Variants in SMPD3 observed in about 807,000 individuals in gnomAD.
SMPD3 encodes sphingomyelin phosphodiesterase 3, also known as nSMase-2.
Under a neutral mutation model 55.7 loss-of-function variants are expected in SMPD3, and 21 were observed. That is an observed-to-expected ratio of 0.38 (90% CI 0.27 to 0.54). The LOEUF (loss-of-function observed/expected upper bound fraction) is 0.54, where lower values mean the gene tolerates loss of function less well. Ranked by LOEUF, SMPD3 falls within the 20% of genes least tolerant of loss-of-function variation. SMPD3 has a pLI of 0.80. For missense variants in SMPD3, 842 were observed against 899.6 expected (o/e 0.94, Z 0.82); for synonymous variants, 457 against 404.3 (o/e 1.13, Z -1.56).
intron 1 of SMPD3, among the ~76,000 whole-genome samples, chr16:68,436,832 T>C (rs2090526372): frequency 6.6e-6 from 1 of 152,086 alleles, no homozygotes; most frequent in South Asian, 2.1e-4. Context: ...GTCTTTCAAA[T>C]AAGGAATACA....
At chr16:68,387,645 G>GCC (rs981699349) in intron 1 of SMPD3, among the ~76,000 whole-genome samples, 6 of 152,302 alleles carry the variant, frequency 3.9e-5, no homozygotes, top group African/African-American at 1.4e-4. Flanking sequence ...AAGTTCAGCA[G>GCC]CCCCCTGCCC....
chr16:68,380,021 T>C (rs1381388940), intron 2 of SMPD3, among the ~76,000 whole-genome samples: 1 of 152,236 alleles, frequency 6.6e-6, no homozygotes, highest in Non-Finnish European at 1.5e-5. Flanking sequence ...CCTGGAGGCA[T>C]GGGCCCCATC....
chr16:68,363,914 C>T, intron 5 of SMPD3, 48 bp from the exon 6 acceptor site: 1 of 1,490,458 alleles, frequency 6.7e-7, no homozygotes, highest in Non-Finnish European at 9.1e-7. Context: ...GCTTTGCTGT[C>T]CCACACGGCC....
intron 2 of SMPD3, among the ~76,000 whole-genome samples, chr16:68,375,360 C>A (rs571671724): frequency 6.8e-6 from 1 of 146,396 alleles, no homozygotes; most frequent in Admixed American, 6.8e-5. Context: ...TGAGCCCTGG[C>A]GTGAGGACAC....
At position 68,379,451 on chromosome 16, in the gene SMPD3, G is replaced by A. The variant is rs190489003; in HGVS notation, c.-206-7064C>T. The stretch of plus-strand genomic sequence containing the variant: ...GTGGTGCCTGCCTCATCTCTAGGAC[G>A]CTTATTTTTATCATTTTGCTATCAC... On this transcript the variant is annotated intron_variant, in intron 2 of 8. Transcript: ENST00000219334. 6.6e-5 allele frequency among the ~76,000 whole-genome samples: 10 copies of A among 152,340 alleles called. No homozygotes were observed. The East Asian group carries it at 7.7e-4, about 12-fold the overall frequency.
chr16:68,434,173 A>G (rs2090502197), intron 1 of SMPD3, among the ~76,000 whole-genome samples: 1 of 152,164 alleles, frequency 6.6e-6, no homozygotes, highest in Non-Finnish European at 1.5e-5. Context: ...CCCACCTTTT[A>G]ATTAAATTTT....
intron 2 of SMPD3, among the ~76,000 whole-genome samples, chr16:68,377,872 C>T (rs1008362016): frequency 5.3e-5 from 8 of 152,218 alleles, no homozygotes; most frequent in African/African-American, 1.7e-4. Flanking sequence ...ACAAGCCAGA[C>T]CAGTTCTGCT....
At chr16:68,429,538 A>G (rs1226069336) in intron 1 of SMPD3, among the ~76,000 whole-genome samples, 1 of 152,206 alleles carries the variant, frequency 6.6e-6, no homozygotes, top group Non-Finnish European at 1.5e-5. Flanking sequence ...CCTTGAGGGC[A>G]GAAAAAAGGA....
intron 1 of SMPD3, among the ~76,000 whole-genome samples, chr16:68,405,032 C>T (rs1181364832): frequency 6.6e-6 from 1 of 152,152 alleles, no homozygotes; most frequent in Non-Finnish European, 1.5e-5. Context: ...TTGTTTTTAC[C>T]TTTGGGGCCT....
At position 68,399,193 on chromosome 16, in the gene SMPD3, G is replaced by T. The variant is rs371242578; in HGVS notation, c.-268-12534C>A. Among the ~76,000 whole-genome samples, 60 of 152,238 alleles carry T rather than the reference G, an allele frequency of 3.9e-4. 1 individual carries two copies. The South Asian group carries it at 9.5e-3, about 24-fold the overall frequency. ...ATGTCCCTGTGGGTGGGCTTGGGGG[G>T]AGGTCACTTCAGGATTCAAAATCAG... On this transcript the variant is annotated intron_variant, in intron 1 of 8. Coordinates refer to ENST00000219334, the MANE Select transcript of SMPD3 (RefSeq NM_018667.4).
chr16:68,446,930 TGTGG>T (rs938459045), intron 1 of SMPD3, among the ~76,000 whole-genome samples: 2 of 152,156 alleles, frequency 1.3e-5, no homozygotes, highest in African/African-American at 4.8e-5. Flanking sequence ...AAGGGAAAGA[TGTGG>T]GGGCATAGTG....
At chr16:68,401,877 G>T (rs2090209174) in intron 1 of SMPD3, among the ~76,000 whole-genome samples, 1 of 152,172 alleles carries the variant, frequency 6.6e-6, no homozygotes, top group Non-Finnish European at 1.5e-5. Context: ...CACTTGTCAT[G>T]GCTTTATGTT....
chr16:68,407,079 T>C (rs574853057), intron 1 of SMPD3, among the ~76,000 whole-genome samples: 1 of 152,312 alleles, frequency 6.6e-6, no homozygotes, highest in Admixed American at 6.5e-5. Context: ...GGGCAGAAGC[T>C]TGATCAGGAG....
In SMPD3 at chr16:68,397,041, G is replaced by A. The variant is rs79449965; in HGVS notation, c.-268-10382C>T. ...GGGGAGGGTAGGTATTATTGATCCC[G>A]TACTCAGAGATGAAAACTGAGGCTT... On this transcript the variant is annotated intron_variant, in intron 1 of 8. Transcript: ENST00000219334. 3.9e-3 allele frequency among the ~76,000 whole-genome samples: 589 copies of A among 152,256 alleles called. 3 individuals are homozygous for A. Among genetic ancestry groups the A allele is most frequent in the African/African-American group, 0.014 (567 of 41,522 alleles).
intron 1 of SMPD3, among the ~76,000 whole-genome samples, chr16:68,397,488 C>T (rs546715061): frequency 3.9e-5 from 6 of 152,302 alleles, no homozygotes; most frequent in African/African-American, 1.4e-4. Flanking sequence ...TCCCTGGTGT[C>T]CTTCAGCCTT....
rs766734030 is a variant in SMPD3, at chr16:68,371,184, G to A, written c.998C>T (p.Ala333Val). The change falls in exon 3 of 9, where the codon GCG (alanine) becomes GTG (valine). Residue 333 changes from alanine to valine, a missense_variant. By Grantham distance (64) the Ala-to-Val change is moderately conservative. Coordinates refer to ENST00000219334, the MANE Select transcript of SMPD3 (RefSeq NM_018667.4). ...GGGGTGCCGCCTCCTGCGTGCAGCC[G>A]CCTTCTTCACCACCGAGGCCTTGTA... ...LLYKASVVKKAAARRRRHPDE... is the reference protein window; with the variant it reads ...LLYKASVVKKVAARRRRHPDE... 2.4e-5 allele frequency: 39 copies of A among 1,612,110 alleles called. No individual in the cohort carries two copies. Among genetic ancestry groups the A allele is most frequent in the African/African-American group, 4.0e-5 (3 of 74,802 alleles).
chr16:68,392,811 G>A (rs1473947738), intron 1 of SMPD3, among the ~76,000 whole-genome samples: 19 of 117,704 alleles, frequency 1.6e-4, no homozygotes, highest in Admixed American at 6.0e-4. Context: ...CTGAGATTGC[G>A]TGACAGAATG....
At chr16:68,442,407 T>C (rs1414269397) in intron 1 of SMPD3, among the ~76,000 whole-genome samples, 1 of 152,364 alleles carries the variant, frequency 6.6e-6, no homozygotes, top group South Asian at 2.1e-4. Flanking sequence ...CCGTTCAAGA[T>C]TTCTATAAGA....
Position 68,359,690 on chromosome 16 carries a change from G to T in SMPD3, c.*1516C>A, listed in dbSNP as rs542591384. The T allele has an allele frequency of 2.0e-5, 3 of 152,738 alleles. No homozygotes were observed. The highest frequency in any genetic ancestry group is 3.4e-3 in the Middle Eastern group (1 of 294). The allele number at this position is 152,738 out of a possible 1,614,324, so 9.5% of individuals were successfully genotyped here. A position where few individuals can be genotyped will look rare whatever the true frequency, so the allele number is the denominator to read the frequency against. ...CAAAGCCGGCCCTGGGCCAGGCTGG[G>T]TGTAGGGCCAGGGCGCCACGAGGAG... On this transcript the variant is annotated 3_prime_UTR_variant, in exon 9 of 9. Coordinates refer to ENST00000219334, the MANE Select transcript of SMPD3 (RefSeq NM_018667.4).
Sources: allele counts gnomAD v4.1 joint callset (sites outside exome capture counted in the v4.1 genomes callset), GRCh38; gene constraint gnomAD v4.1.1; transcripts MANE v1.5; gene names NCBI Gene and HGNC (gene_info 2026-07-23, HGNC 2026-07-21).